The following ATP8A2 variants were observed in gnomAD, a reference collection of about 807,000 sequenced individuals.
ATP8A2 encodes phospholipid-transporting ATPase IB.
Under a neutral mutation model 165.6 loss-of-function variants are expected in ATP8A2, and 100 were observed. That is an observed-to-expected ratio of 0.60 (90% CI 0.51 to 0.71). The LOEUF (loss-of-function observed/expected upper bound fraction) is 0.71. Among genes scored for constraint, ATP8A2 ranks in the 30% least tolerant of loss-of-function variants. The pLI, the probability that ATP8A2 is intolerant of heterozygous loss-of-function variation, is 0.00. For missense variants in ATP8A2, 1,227 were observed against 1,479.5 expected (o/e 0.83, Z 2.80); for synonymous variants, 543 against 548.8 (o/e 0.99, Z 0.15).
chr13:25,727,356 T>C (rs1003502347), intron 25 of ATP8A2, among the ~76,000 whole-genome samples: 1 of 152,204 alleles, frequency 6.6e-6, no homozygotes, highest in Non-Finnish European at 1.5e-5. Context: ...CAAAATGCTG[T>C]GGCCAACCAG....
intron 24 of ATP8A2, among the ~76,000 whole-genome samples, chr13:25,691,185 G>A (rs4769435): frequency 0.13 from 19,164 of 152,140 alleles, 1,372 homozygotes; most frequent in Admixed American, 0.2. Flanking sequence ...AGCAGGGCCT[G>A]GAGTGAGGGA....
intron 33 of ATP8A2, among the ~76,000 whole-genome samples, chr13:25,901,794 A>G (rs1227239753): frequency 8.5e-5 from 13 of 152,254 alleles, no homozygotes; most frequent in Admixed American, 7.8e-4. Flanking sequence ...TTGGCTGGGA[A>G]ACTATCTCTA....
intron 33 of ATP8A2, among the ~76,000 whole-genome samples, chr13:25,943,717 C>A (rs927204505): frequency 6.6e-6 from 1 of 152,326 alleles, no homozygotes; most frequent in Admixed American, 6.5e-5. Context: ...CTTCATAGAT[C>A]CCAACTTTAA....
At chr13:25,402,694 T>C (rs913263392) in intron 1 of ATP8A2, among the ~76,000 whole-genome samples, 24 of 152,044 alleles carry the variant, frequency 1.6e-4, no homozygotes, top group Admixed American at 9.2e-4. Flanking sequence ...AGAGGTGGGG[T>C]ATTTAGGAGA....
intron 20 of ATP8A2, 122 bp from the exon 21 acceptor site, chr13:25,578,693 C>G: frequency 2.8e-6 from 2 of 706,948 alleles, no homozygotes; most frequent in Non-Finnish European, 5.1e-6. Flanking sequence ...ATGCTAAATT[C>G]CTACTTACCC....
intron 30 of ATP8A2, among the ~76,000 whole-genome samples, chr13:25,856,221 G>T (rs556526055): frequency 1.1e-4 from 16 of 152,280 alleles, no homozygotes; most frequent in Admixed American, 2.0e-4. Context: ...ACCATTGCCA[G>T]ATCCAAGGTG....
At chr13:25,552,262 C>T (rs1045397724) in intron 11 of ATP8A2, among the ~76,000 whole-genome samples, 1 of 152,158 alleles carries the variant, frequency 6.6e-6, no homozygotes, top group Non-Finnish European at 1.5e-5. Context: ...GCTGGGATTA[C>T]AGGTGTGAGT....
intron 2 of ATP8A2, among the ~76,000 whole-genome samples, chr13:25,512,606 T>G (rs2137777724): frequency 7.1e-6 from 1 of 140,834 alleles, no homozygotes; most frequent in South Asian, 2.3e-4. Flanking sequence ...GCCCCTCACC[T>G]CCCGGACGGG....
intron 30 of ATP8A2, among the ~76,000 whole-genome samples, chr13:25,852,699 G>C (rs935104022): frequency 6.6e-6 from 1 of 151,964 alleles, no homozygotes; most frequent in African/African-American, 2.4e-5. Flanking sequence ...TTTCTTGGCC[G>C]GGTGCAGTGG....
chr13:25,430,676 T>C (rs2034583987), intron 1 of ATP8A2, among the ~76,000 whole-genome samples: 1 of 152,044 alleles, frequency 6.6e-6, no homozygotes, highest in African/African-American at 2.4e-5. Context: ...CGGCTCGCTG[T>C]AGCCTCCGCC....
At chr13:25,789,220 G>C (rs567511518) in intron 27 of ATP8A2, among the ~76,000 whole-genome samples, 88 of 152,272 alleles carry the variant, frequency 5.8e-4, no homozygotes, top group African/African-American at 2.0e-3. Flanking sequence ...AGCATATGCA[G>C]TCACTACAAT....
chr13:25,966,268 G>A (rs1955774546), intron 34 of ATP8A2, among the ~76,000 whole-genome samples: 2 of 152,100 alleles, frequency 1.3e-5, no homozygotes, highest in African/African-American at 4.8e-5. Context: ...TACAGATAAG[G>A]GACTTACTCT....
At chr13:25,716,703 G>A (rs1034565407) in intron 25 of ATP8A2, among the ~76,000 whole-genome samples, 1 of 152,320 alleles carries the variant, frequency 6.6e-6, no homozygotes, top group East Asian at 1.9e-4. Flanking sequence ...AAATATTTAT[G>A]TAGCTCTTAT....
At chr13:25,919,532 C>A (rs1422133772) in intron 33 of ATP8A2, among the ~76,000 whole-genome samples, 1 of 152,052 alleles carries the variant, frequency 6.6e-6, no homozygotes, top group Admixed American at 6.5e-5. Context: ...GCGGGAGCCT[C>A]AGGATTCTCT....
At chr13:25,493,551 C>T (rs147591301) in intron 2 of ATP8A2, among the ~76,000 whole-genome samples, 5 of 152,212 alleles carry the variant, frequency 3.3e-5, no homozygotes, top group African/African-American at 4.8e-5. Flanking sequence ...ATGCGGGAAC[C>T]GGAAGTGAAG....
rs183794193 is a variant in ATP8A2 at position 25,707,498 on chromosome 13, A to T, written c.2384+8153A>T. ...TTCTTATGTCCTGGACTAATAAAAC[A>T]ATTTGGTGGGGAGCAATATAGTACA... On this transcript the variant is annotated intron_variant, in intron 25 of 36. Coordinates refer to ENST00000381655, the MANE Select transcript of ATP8A2 (RefSeq NM_016529.6). Among the ~76,000 whole-genome samples the T allele has an allele frequency of 1.9e-3, 284 of 152,314 alleles. No homozygotes were observed. The Middle Eastern group carries it at 0.044, about 24-fold the overall frequency.
chr13:25,661,429 G>A (rs139828775), intron 24 of ATP8A2, among the ~76,000 whole-genome samples: 1 of 152,084 alleles, frequency 6.6e-6, no homozygotes, highest in Non-Finnish European at 1.5e-5. Flanking sequence ...TTGTGGTAGA[G>A]CCACACAATT....
At chr13:25,485,019 G>C (rs1159287119) in intron 2 of ATP8A2, among the ~76,000 whole-genome samples, 5 of 152,150 alleles carry the variant, frequency 3.3e-5, no homozygotes, top group Non-Finnish European at 5.9e-5. Flanking sequence ...ACTCAGCTTT[G>C]TTAAAACTGC....
chr13:25,705,705 C>A (rs2043042413), intron 25 of ATP8A2, among the ~76,000 whole-genome samples: 1 of 152,090 alleles, frequency 6.6e-6, no homozygotes, highest in Non-Finnish European at 1.5e-5. Context: ...AAAATACAGA[C>A]AAACAAGAAG....
Sources: allele counts gnomAD v4.1 joint callset (sites outside exome capture counted in the v4.1 genomes callset), GRCh38; gene constraint gnomAD v4.1.1; transcripts MANE v1.5; gene names NCBI Gene and HGNC (gene_info 2026-07-23, HGNC 2026-07-21).